Variants in LRRC37A2 observed in about 807,000 individuals in gnomAD.
LRRC37A2 encodes the protein leucine rich repeat containing 37 member A2, also known as leucine-rich repeat-containing protein 37A2.
LRRC37A2 carries 9 observed loss-of-function variants against 68.8 expected under a neutral mutation model. The ratio of observed to expected loss-of-function variants is 0.13; its 90% CI spans 0.08 to 0.23. The LOEUF (loss-of-function observed/expected upper bound fraction) is 0.23. Ranked by LOEUF, LRRC37A2 falls within the 10% of genes least tolerant of loss-of-function variation. LRRC37A2 has a pLI of 1.00. For missense variants in LRRC37A2, 168 were observed against 950.4 expected, an observed-to-expected ratio of 0.18 and a Z score of 10.82; for synonymous variants, 63 against 367.6, an observed-to-expected ratio of 0.17 and a Z score of 9.48.
chr17:46,495,530 A>G, the LRRC37A2 span, among the ~76,000 whole-genome samples: 10 of 146,340 alleles, frequency 6.8e-5, 1 homozygote, highest in East Asian at 2.0e-4. Flanking sequence ...GATTACAGGC[A>G]CCCACCACCA....
chr17:47,032,329 T>C, the LRRC37A2 span, among the ~76,000 whole-genome samples: 8 of 148,838 alleles, frequency 5.4e-5, no homozygotes, highest in African/African-American at 2.0e-4. Context: ...CCAACAACTC[T>C]TGCGATGCGG....
chr17:46,936,980 AGG>A, the LRRC37A2 span: 4 of 225,846 alleles, frequency 1.8e-5, no homozygotes, highest in Non-Finnish European at 2.9e-5. Flanking sequence ...AAAAAAAAAA[AGG>A]ATATGGGGCA....
chr17:47,015,006 C>CTT, the LRRC37A2 span, among the ~76,000 whole-genome samples: 64,052 of 106,512 alleles, frequency 0.6, 20,516 homozygotes, highest in East Asian at 0.81. Context: ...CCATTTTTAT[C>CTT]TTTTTTTTTT....
chr17:46,768,692 G>C, the LRRC37A2 span: 1 of 1,614,138 alleles, frequency 6.2e-7, no homozygotes, highest in Non-Finnish European at 8.5e-7. This position sits in a 1 kb window ranked among gnomAD's most constrained non-coding sequence, Gnocchi z 5.0. Context: ...CCTTGAGGAA[G>C]TCACCGATGG....
the LRRC37A2 span, chr17:46,876,950 TG>T: frequency 7.6e-7 from 1 of 1,311,428 alleles, no homozygotes; most frequent in Non-Finnish European, 9.7e-7. Flanking sequence ...TCCCCAACCT[TG>T]TTGAGGACTT....
At chr17:46,845,785 CTTTTT>C in the LRRC37A2 span, among the ~76,000 whole-genome samples, 84 of 86,778 alleles carry the variant, frequency 9.7e-4, no homozygotes, top group African/African-American at 3.4e-3. Context: ...ACTGTGCTGG[CTTTTT>C]TTTTTTTTTT....
the LRRC37A2 span, among the ~76,000 whole-genome samples, chr17:46,725,935 T>A: frequency 6.6e-6 from 1 of 152,212 alleles, no homozygotes; most frequent in African/African-American, 2.4e-5. Flanking sequence ...AATTACTACA[T>A]CCTTGCCAGG....
chr17:46,783,408 T>C, the LRRC37A2 span, among the ~76,000 whole-genome samples: 44 of 152,324 alleles, frequency 2.9e-4, no homozygotes, highest in African/African-American at 9.6e-4. Context: ...CACGCACGAA[T>C]TGAGTGATGA....
At chr17:46,873,689 T>C in the LRRC37A2 span, among the ~76,000 whole-genome samples, 1 of 150,976 alleles carries the variant, frequency 6.6e-6, no homozygotes, top group South Asian at 2.1e-4. Context: ...TGAAACCCCG[T>C]CTCTACTAAA....
the LRRC37A2 span, among the ~76,000 whole-genome samples, chr17:46,784,898 C>T: frequency 6.6e-6 from 1 of 151,988 alleles, no homozygotes; most frequent in East Asian, 1.9e-4. Context: ...GCCTCAGCCT[C>T]CCGAGTAGCT....
the LRRC37A2 span, among the ~76,000 whole-genome samples, chr17:46,719,437 G>C: frequency 6.6e-6 from 1 of 152,124 alleles, no homozygotes; most frequent in Non-Finnish European, 1.5e-5. This position sits in a 1 kb window ranked among gnomAD's most constrained non-coding sequence, Gnocchi z 4.3. Context: ...ATACGTGAAA[G>C]TAGTTTATTC....
chr17:47,017,665 G>A, the LRRC37A2 span: 1 of 1,610,730 alleles, frequency 6.2e-7, no homozygotes, highest in African/African-American at 1.3e-5. Flanking sequence ...GCTCAGCGTT[G>A]GAGCCTTGCT....
At chr17:46,840,075 C>T in the LRRC37A2 span, among the ~76,000 whole-genome samples, 39 of 143,320 alleles carry the variant, frequency 2.7e-4, no homozygotes, top group African/African-American at 8.3e-4. Flanking sequence ...TTCTTTCCTT[C>T]CTTCATTCCT....
chr17:46,889,433 A>C, the LRRC37A2 span, among the ~76,000 whole-genome samples: 1 of 152,186 alleles, frequency 6.6e-6, no homozygotes, highest in African/African-American at 2.4e-5. Context: ...CTTTCTTGGA[A>C]GGACATGGAA....
the LRRC37A2 span, chr17:46,923,373 T>C: frequency 6.8e-7 from 1 of 1,471,700 alleles, no homozygotes; most frequent in Non-Finnish European, 9.0e-7. Flanking sequence ...GCTTAATCCT[T>C]GGCGGGACTC....
At chr17:46,853,363 C>CTTTT in the LRRC37A2 span, among the ~76,000 whole-genome samples, 3,349 of 78,884 alleles carry the variant, frequency 0.042, 541 homozygotes, top group East Asian at 0.24. Flanking sequence ...ATGCTAGTGA[C>CTTTT]TTTTTTTTTT....
At chr17:46,873,045 A>G in the LRRC37A2 span, among the ~76,000 whole-genome samples, 1 of 151,452 alleles carries the variant, frequency 6.6e-6, no homozygotes, top group African/African-American at 2.4e-5. Context: ...GGAGGAGCTC[A>G]CAGATAAGAT....
chr17:46,900,172 T>TATATATATATATATATATAC, the LRRC37A2 span, among the ~76,000 whole-genome samples: 2 of 25,410 alleles, frequency 7.9e-5, no homozygotes, highest in Non-Finnish European at 1.4e-4. Flanking sequence ...CATATACATA[T>TATATATATATATATATATAC]ATATATATAT....
At chr17:47,019,722 A>G in the LRRC37A2 span, 1 of 922,442 alleles carries the variant, frequency 1.1e-6, no homozygotes, top group East Asian at 2.5e-5. Context: ...GTTGTCATGT[A>G]TTGATCTCAA....
Sources: gnomAD v4.1 joint callset for allele counts (sites outside exome capture counted in the v4.1 genomes callset) on GRCh38, gnomAD v4.1.1 for gene constraint, Gnocchi (gnomAD v3.1) non-coding constraint, MANE v1.5 for transcripts, NCBI Gene and HGNC (gene_info 2026-07-23, HGNC 2026-07-21) for gene names.